Variants in TGFBR2 observed in about 807,000 individuals in gnomAD.
The protein encoded by TGFBR2 is TGF-beta receptor type-2.
A neutral mutation model predicts 49.0 loss-of-function variants in TGFBR2; 18 were observed. That is an observed-to-expected ratio of 0.37 (90% CI 0.25 to 0.54). TGFBR2 has a LOEUF of 0.54. Ranked by LOEUF, TGFBR2 falls within the 20% of genes least tolerant of loss-of-function variation. TGFBR2 has a pLI of 0.85. For missense variants in TGFBR2, 525 were observed against 722.6 expected, an observed-to-expected ratio of 0.73 and a Z score of 3.13; for synonymous variants, 282 against 275.9, an observed-to-expected ratio of 1.02 and a Z score of -0.22.
Position 30,606,922 on chromosome 3 carries a change from C to A in TGFBR2, c.39C>A (p.His13Gln), listed in dbSNP as rs1437593960. 6.9e-6 allele frequency: 11 copies of A among 1,599,712 alleles called. No individual in the cohort carries two copies. The highest frequency in any genetic ancestry group is 9.4e-6 in the Non-Finnish European group (11 of 1,173,082). ...RGLLRGLWPL[H>Q]IVLWTRIAST... ...TGCTCAGGGGCCTGTGGCCGCTGCACATCGTCCTGTGGACGCGTATCGCCA... is the reference window on the plus strand; with the variant it reads ...TGCTCAGGGGCCTGTGGCCGCTGCAAATCGTCCTGTGGACGCGTATCGCCA... Residue 13 changes from histidine to glutamine, a missense_variant, in exon 1 of 7, where the codon CAC (histidine) becomes CAA (glutamine). Transcript: ENST00000295754.
At chr3:30,660,309 T>C (rs6550007) in intron 3 of TGFBR2, among the ~76,000 whole-genome samples, 136,037 of 152,220 alleles carry the variant, frequency 0.89, 60,866 homozygotes, top group East Asian at 0.99. Flanking sequence ...CTGATGTAGT[T>C]ATGCTTAGGC....
In TGFBR2 at chr3:30,682,218, A is replaced by G. The variant is rs971231507; in HGVS notation, c.1397-6166A>G. On this transcript the variant is annotated intron_variant, in intron 5 of 6. Transcript: ENST00000295754. The stretch of plus-strand genomic sequence containing the variant: ...ATCACACTGAATAATTGTAGGGGGC[A>G]TATGTGACTATTCTTATTTTGTGGA... Among the ~76,000 whole-genome samples the G allele has an allele frequency of 3.3e-5, 5 of 152,208 alleles. No homozygotes were observed. The South Asian group carries it at 8.3e-4, about 25-fold the overall frequency.
chr3:30,632,119 A>G (rs968677019), intron 1 of TGFBR2, among the ~76,000 whole-genome samples: 3 of 152,182 alleles, frequency 2.0e-5, no homozygotes, highest in Non-Finnish European at 4.4e-5. Flanking sequence ...CTGTGAATGA[A>G]AGTACAGCAG....
Position 30,694,043 on chromosome 3 carries a change from C to T in TGFBR2, c.*2444C>T, listed in dbSNP as rs1166372828. 1 of 230,068 alleles carries T rather than the reference C, an allele frequency of 4.3e-6. No individual in the cohort carries two copies. Among genetic ancestry groups the T allele is most frequent in the African/African-American group, 2.2e-5 (1 of 45,046 alleles). 14.3% of individuals were successfully genotyped at this position (230,068 alleles called of 1,614,324 possible). ...CTCAAGCACTTATTTTTATTCTATG[C>T]ATTGTTTGTCTTTTACATAAATAAA... On this transcript the variant is annotated 3_prime_UTR_variant, in exon 7 of 7. Transcript: ENST00000295754.
chr3:30,655,280 A>G (rs918841782), intron 3 of TGFBR2, among the ~76,000 whole-genome samples: 9 of 152,130 alleles, frequency 5.9e-5, no homozygotes, highest in African/African-American at 2.2e-4. Context: ...CTAACACTGA[A>G]GTTTTGTAGT....
At chr3:30,636,578 A>G (rs1698537057) in intron 1 of TGFBR2, among the ~76,000 whole-genome samples, 1 of 152,204 alleles carries the variant, frequency 6.6e-6, no homozygotes, top group Non-Finnish European at 1.5e-5. Context: ...AGAAAATTCA[A>G]AAGTAACAGA....
intron 1 of TGFBR2, among the ~76,000 whole-genome samples, chr3:30,643,501 T>A (rs1698679258): frequency 6.6e-6 from 1 of 152,218 alleles, no homozygotes; most frequent in Non-Finnish European, 1.5e-5. Context: ...TTGCAAAGAA[T>A]AGTCTGTCTT....
chr3:30,653,250 CT>C lies in TGFBR2; in HGVS notation c.454+2809del, dbSNP rs3076740. 3.9e-3 allele frequency among the ~76,000 whole-genome samples: 444 copies of C among 113,414 alleles called. 1 individual carries two copies. Among genetic ancestry groups the C allele is most frequent in the African/African-American group, 0.014 (399 of 29,456 alleles). 74.4% of individuals were successfully genotyped at this position (113,414 alleles called of 152,430 possible). On this transcript the variant is annotated intron_variant, in intron 3 of 6. Transcript: ENST00000295754. ...TCTTCTTTATCTTGAGGAATGAAAA[CT>C]TTTTTTTTTTTTTTTTTTGAGACAG...
At position 30,606,806 on chromosome 3, in the gene TGFBR2, G is replaced by A. The variant is rs1020786361; in HGVS notation, c.-78G>A. On this transcript the variant is annotated 5_prime_UTR_variant, in exon 1 of 7. Coordinates refer to ENST00000295754, the MANE Select transcript of TGFBR2 (RefSeq NM_003242.6). ...GCGGGGTCCGGAGAGGGCGCGGCGC[G>A]GAGGCGCAGCCAGGGGTCCGGGAAG... 2 of 1,090,778 alleles carry A rather than the reference G, an allele frequency of 1.8e-6. No homozygotes were observed. Among genetic ancestry groups the A allele is most frequent in the Non-Finnish European group, 2.4e-6 (2 of 836,172 alleles). The allele number at this position is 1,090,778 out of a possible 1,614,324, so 67.6% of individuals were successfully genotyped here.
At chr3:30,647,868 G>A (rs1698794440) in intron 2 of TGFBR2, among the ~76,000 whole-genome samples, 1 of 151,850 alleles carries the variant, frequency 6.6e-6, no homozygotes, top group Non-Finnish European at 1.5e-5. Context: ...TAGTAGAGAT[G>A]GGGTTTCACT....
intron 3 of TGFBR2, among the ~76,000 whole-genome samples, chr3:30,660,331 T>C (rs557310925): frequency 3.7e-4 from 56 of 152,288 alleles, no homozygotes; most frequent in African/African-American, 1.3e-3. Context: ...TGGCTGCACA[T>C]TGGAAACACC....
chr3:30,678,548 A>C (rs1012070693), intron 5 of TGFBR2, among the ~76,000 whole-genome samples: 25 of 147,912 alleles, frequency 1.7e-4, no homozygotes, highest in African/African-American at 3.7e-4. Flanking sequence ...ACTGCGTCTA[A>C]AAAAAAAAAA....
chr3:30,629,280 C>T (rs546185244), intron 1 of TGFBR2, among the ~76,000 whole-genome samples: 1 of 152,304 alleles, frequency 6.6e-6, no homozygotes, highest in Non-Finnish European at 1.5e-5. Flanking sequence ...ATCCATGTGT[C>T]CTCATGGCTA....
At chr3:30,629,116 T>C (rs1364199590) in intron 1 of TGFBR2, among the ~76,000 whole-genome samples, 1 of 152,230 alleles carries the variant, frequency 6.6e-6, no homozygotes, top group Non-Finnish European at 1.5e-5. Flanking sequence ...TTTGAATTTC[T>C]TTAGATCAGT....
chr3:30,634,991 G>A (rs1037532150), intron 1 of TGFBR2, among the ~76,000 whole-genome samples: 1 of 152,108 alleles, frequency 6.6e-6, no homozygotes, highest in African/African-American at 2.4e-5. Context: ...TCATCTCATA[G>A]TCCCTGCAGT....
chr3:30,628,109 G>A (rs1265821694), intron 1 of TGFBR2, among the ~76,000 whole-genome samples: 3 of 78,470 alleles, frequency 3.8e-5, no homozygotes, highest in Non-Finnish European at 6.9e-5. Context: ...GATGCAGCCA[G>A]GCCTTTTTTT....
chr3:30,616,394 A>G (rs1043005148), intron 1 of TGFBR2, among the ~76,000 whole-genome samples: 16 of 152,204 alleles, frequency 1.1e-4, no homozygotes, highest in African/African-American at 3.1e-4. Flanking sequence ...AATTATCACA[A>G]ACCTTCATCT....
chr3:30,671,563 G>A, intron 3 of TGFBR2, 75 bp from the exon 4 acceptor site: 1 of 1,452,360 alleles, frequency 6.9e-7, no homozygotes, highest in Non-Finnish European at 9.7e-7. Context: ...TAGATGCTCA[G>A]GCATGAACCC....
chr3:30,624,995 G>C (rs1296394507), intron 1 of TGFBR2, among the ~76,000 whole-genome samples: 1 of 152,102 alleles, frequency 6.6e-6, no homozygotes, highest in Non-Finnish European at 1.5e-5. Context: ...TCTTCAAACT[G>C]TAATAAATTT....
Sources: allele counts gnomAD v4.1 joint callset (sites outside exome capture counted in the v4.1 genomes callset), GRCh38; gene constraint gnomAD v4.1.1; transcripts MANE v1.5; gene names NCBI Gene and HGNC (gene_info 2026-07-23, HGNC 2026-07-21).